DIAPH3: variants seen among roughly 807,000 people sequenced by gnomAD.
DIAPH3 encodes protein diaphanous homolog 3.
DIAPH3 carries 117 observed loss-of-function variants against 144.3 expected under a neutral mutation model. The observed-to-expected ratio is 0.81, with a 90% confidence interval of 0.70 to 0.95. The LOEUF is 0.95. Among genes scored for constraint, DIAPH3 ranks in the 40% least tolerant of loss-of-function variants. The pLI is 0.00. For missense variants in DIAPH3, 1,421 were observed against 1,412.7 expected, an observed-to-expected ratio of 1.01 and a Z score of -0.09; for synonymous variants, 519 against 488.9, an observed-to-expected ratio of 1.06 and a Z score of -0.81.
chr13:59,996,129 T>G (rs1566631309), intron 9 of DIAPH3, among the ~76,000 whole-genome samples: 1 of 152,020 alleles, frequency 6.6e-6, no homozygotes, highest in East Asian at 1.9e-4. Flanking sequence ...TTTGGCAAAA[T>G]GAAAACACTG....
At chr13:59,826,636 C>T (rs2041446650) in intron 24 of DIAPH3, among the ~76,000 whole-genome samples, 1 of 151,260 alleles carries the variant, frequency 6.6e-6, no homozygotes, top group Non-Finnish European at 1.5e-5. Flanking sequence ...AATGCCATCC[C>T]CATCAAGCTA....
At chr13:60,128,261 T>C (rs1411852235) in intron 2 of DIAPH3, among the ~76,000 whole-genome samples, 5 of 152,216 alleles carry the variant, frequency 3.3e-5, no homozygotes, top group Non-Finnish European at 5.9e-5. Context: ...TATGGCTGCA[T>C]AGTATTGCAT....
At chr13:59,995,475 T>C (rs947391351) in intron 9 of DIAPH3, among the ~76,000 whole-genome samples, 1 of 151,958 alleles carries the variant, frequency 6.6e-6, no homozygotes, top group African/African-American at 2.4e-5. Flanking sequence ...TCTTAGGGCA[T>C]CAGAAGCAGT....
chr13:59,822,907 AT>A (rs137972755), intron 24 of DIAPH3, among the ~76,000 whole-genome samples: 52 of 150,844 alleles, frequency 3.4e-4, no homozygotes, highest in East Asian at 3.3e-3. Context: ...CATTTTATTC[AT>A]TTTTTTTTGT....
At chr13:60,021,097 G>A (rs1049148456) in intron 5 of DIAPH3, 2 of 152,230 alleles carry the variant, frequency 1.3e-5, no homozygotes, top group African/African-American at 4.8e-5. Flanking sequence ...GTAGTAAAGA[G>A]AGTAATCCTA....
At position 60,024,046 on chromosome 13, in the gene DIAPH3, G is replaced by T. The variant is rs183679311; in HGVS notation, c.627-7901C>A. ...AATTTTGTATTTTTAGTAGAGATGG[G>T]GTTTCACCATGTTGGCCAGGCTGGT... On this transcript the variant is annotated intron_variant, in intron 5 of 27. Transcript: ENST00000400324. Among the ~76,000 whole-genome samples the T allele has an allele frequency of 4.3e-3, 643 of 151,048 alleles. 1 individual carries two copies. Among genetic ancestry groups the T allele is most frequent in the Middle Eastern group, 0.014 (4 of 294 alleles).
chr13:59,955,105 TACAC>T (rs2049322881), intron 17 of DIAPH3, among the ~76,000 whole-genome samples: 1 of 151,324 alleles, frequency 6.6e-6, no homozygotes, highest in Admixed American at 6.6e-5. Context: ...CATGTATATA[TACAC>T]ACACACTTTT....
intron 1 of DIAPH3, among the ~76,000 whole-genome samples, chr13:60,140,055 C>A (rs1017965673): frequency 6.6e-6 from 1 of 152,132 alleles, no homozygotes; most frequent in Non-Finnish European, 1.5e-5. Context: ...AATTAGAGAT[C>A]CCAGAACTCC....
In DIAPH3 at chr13:59,934,337, T is replaced by A. The variant is rs556655691; in HGVS notation, c.2075-9467A>T. ...TTACATGTTAATGTTTATAATAAAT[T>A]ACCTTTCTAAATAGACTGTAATTAC... is the stretch of plus-strand genomic sequence containing the variant. On this transcript the variant is annotated intron_variant, in intron 17 of 27. Transcript: ENST00000400324. Among the ~76,000 whole-genome samples the A allele has an allele frequency of 2.6e-5, 4 of 152,316 alleles. No homozygotes were observed. In the East Asian group the frequency reaches 7.7e-4, roughly 29 times the overall value.
intron 17 of DIAPH3, among the ~76,000 whole-genome samples, chr13:59,963,300 T>C (rs886492895): frequency 6.6e-6 from 1 of 152,152 alleles, no homozygotes; most frequent in African/African-American, 2.4e-5. Flanking sequence ...CATGAATGCA[T>C]AATCACCTAA....
At chr13:59,702,335 A>G (rs544860645) in intron 27 of DIAPH3, among the ~76,000 whole-genome samples, 215 of 152,312 alleles carry the variant, frequency 1.4e-3, no homozygotes, top group Non-Finnish European at 2.8e-3. Flanking sequence ...TACAAATTGA[A>G]TGTGGTTATT....
intron 24 of DIAPH3, among the ~76,000 whole-genome samples, chr13:59,821,326 A>G (rs1032745236): frequency 6.6e-6 from 1 of 152,098 alleles, no homozygotes; most frequent in African/African-American, 2.4e-5. Context: ...AGGGTTGTTT[A>G]ACCTTAATAA....
At chr13:59,856,516 C>A (rs2139893214) in intron 22 of DIAPH3, among the ~76,000 whole-genome samples, 1 of 152,300 alleles carries the variant, frequency 6.6e-6, no homozygotes, top group East Asian at 1.9e-4. Context: ...CAGATGGCCA[C>A]CTCCTCACTG....
At position 60,008,629 on chromosome 13, in the gene DIAPH3, G is replaced by A; in HGVS notation, c.929C>T (p.Ala310Val). 1 of 1,613,240 alleles carries A rather than the reference G, an allele frequency of 6.2e-7. No homozygotes were observed. Among genetic ancestry groups the A allele is most frequent in the Non-Finnish European group, 8.5e-7 (1 of 1,179,524 alleles). The change falls in exon 9 of 28, where the codon GCT becomes GTT. Residue 310 changes from alanine (A) to valine (V), a missense_variant. Physicochemically the swap from Ala to Val is moderately conservative, Grantham distance 64. Coordinates refer to ENST00000400324, the MANE Select transcript of DIAPH3 (RefSeq NM_001042517.2). ...EESILEEVLE[A>V]LTSAGEEKKI... The stretch of plus-strand genomic sequence containing the variant: ...TTTTTCTTCACCAGCTGAAGTTAAA[G>A]CTTCTAAAACTTCTTCAAGGCTATT...
At chr13:59,944,803 G>GT (rs66562307) in intron 17 of DIAPH3, among the ~76,000 whole-genome samples, 1 of 148,786 alleles carries the variant, frequency 6.7e-6, no homozygotes, top group Non-Finnish European at 1.5e-5. Context: ...AAGGGGGGGG[G>GT]CTATTATCCT....
chr13:59,798,698 T>G (rs1055619418), intron 25 of DIAPH3, among the ~76,000 whole-genome samples: 11 of 152,158 alleles, frequency 7.2e-5, no homozygotes, highest in Non-Finnish European at 1.6e-4. Context: ...GAACCACCCA[T>G]GTAGCAGAAA....
intron 27 of DIAPH3, among the ~76,000 whole-genome samples, chr13:59,769,552 T>C (rs424225): frequency 0.26 from 39,165 of 151,874 alleles, 5,387 homozygotes; most frequent in African/African-American, 0.34. Flanking sequence ...CCTCTTTCCT[T>C]TTTGACTTTT....
intron 20 of DIAPH3, among the ~76,000 whole-genome samples, chr13:59,900,338 GT>G (rs569550476): frequency 1.3e-5 from 2 of 151,966 alleles, no homozygotes; most frequent in East Asian, 1.9e-4. Context: ...GAGGCAAAAA[GT>G]TTTTTTTCTT....
intron 20 of DIAPH3, among the ~76,000 whole-genome samples, chr13:59,909,449 A>T (rs2046889589): frequency 6.6e-6 from 1 of 152,102 alleles, no homozygotes; most frequent in Non-Finnish European, 1.5e-5. Context: ...CCAGATTGGA[A>T]ATGGTGAAAA....
Sources: gnomAD v4.1 joint callset for allele counts (sites outside exome capture counted in the v4.1 genomes callset) on GRCh38, gnomAD v4.1.1 for gene constraint, MANE v1.5 for transcripts, NCBI Gene and HGNC (gene_info 2026-07-23, HGNC 2026-07-21) for gene names.